Variants in GLYATL3 observed in about 807,000 individuals in gnomAD.
GLYATL3 encodes the protein glycine N-acyltransferase-like protein 3.
In GLYATL3, 31 loss-of-function variants were observed where a neutral mutation model predicts 28.5. That is an observed-to-expected ratio of 1.09 (90% CI 0.82 to 1.47). The LOEUF (loss-of-function observed/expected upper bound fraction) is 1.47, where lower values mean the gene tolerates loss of function less well. Among genes scored for constraint, GLYATL3 ranks in the 40% most tolerant of loss-of-function variants. The pLI is 0.00. For synonymous variants in GLYATL3, 141 were observed against 140.2 expected, an observed-to-expected ratio of 1.01 and a Z score of -0.04; for missense variants, 369 against 351.5, an observed-to-expected ratio of 1.05 and a Z score of -0.40.
intron 1 of GLYATL3, among the ~76,000 whole-genome samples, chr6:49,510,209 A>G (rs1769096603): frequency 6.6e-6 from 1 of 151,470 alleles, no homozygotes. Flanking sequence ...CACCTGGCTA[A>G]TTTTGTATTT....
At chr6:49,515,067 T>C (rs1457400920) in intron 2 of GLYATL3, among the ~76,000 whole-genome samples, 6 of 152,222 alleles carry the variant, frequency 3.9e-5, no homozygotes, top group Non-Finnish European at 5.9e-5. Flanking sequence ...GACATCATTA[T>C]AGCCCTCAGG....
At chr6:49,524,000 C>CT (rs67853821) in intron 5 of GLYATL3, among the ~76,000 whole-genome samples, 3,327 of 145,322 alleles carry the variant, frequency 0.023, 47 homozygotes, top group African/African-American at 0.04. Context: ...GACATTTTGT[C>CT]TTTTTTTTTT....
intron 1 of GLYATL3, among the ~76,000 whole-genome samples, chr6:49,509,965 T>C (rs867002700): frequency 1.5e-5 from 2 of 130,958 alleles, no homozygotes; most frequent in Non-Finnish European, 3.4e-5. Flanking sequence ...TTTCTTTCTT[T>C]CTTTCTTTCT....
chr6:49,511,037 C>T (rs551547102), intron 1 of GLYATL3, among the ~76,000 whole-genome samples: 1 of 152,274 alleles, frequency 6.6e-6, no homozygotes, highest in Admixed American at 6.5e-5. Context: ...AAGGAATAAT[C>T]CCAGCTCTCC....
chr6:49,525,226 G>T (rs1769386469), intron 5 of GLYATL3, among the ~76,000 whole-genome samples: 1 of 150,826 alleles, frequency 6.6e-6, no homozygotes, highest in Admixed American at 6.6e-5. Flanking sequence ...TGTTGTTGTT[G>T]TTTACAGAAA....
intron 1 of GLYATL3, among the ~76,000 whole-genome samples, chr6:49,509,948 C>CTTTCTTTCTTTCTTTCTT (rs68151540): frequency 1.0e-5 from 1 of 100,166 alleles, no homozygotes; most frequent in African/African-American, 3.5e-5. Context: ...TATTTTCTTT[C>CTTTCTTTCTTTCTTTCTT]TCTTTCTTTC....
At chr6:49,509,755 G>A (rs758635954) in intron 1 of GLYATL3, among the ~76,000 whole-genome samples, 16 of 152,134 alleles carry the variant, frequency 1.1e-4, no homozygotes, top group Non-Finnish European at 2.1e-4. Context: ...ATTTTAGCAA[G>A]CAGGTAAATT....
Position 49,527,165 on chromosome 6 carries a change from T to TG in GLYATL3, c.*252dup. ...ACGATTGTCCTCCTGTAGGATCCAC[T>TG]GTAGGAGAATAGGTTCTAAAGCCAG... On this transcript the variant is annotated 3_prime_UTR_variant, in exon 6 of 6. Coordinates refer to ENST00000371197, the MANE Select transcript of GLYATL3 (RefSeq NM_001010904.2). 2.3e-6 allele frequency: 1 copy of TG among 438,424 alleles called. No individual in the cohort carries two copies. Among genetic ancestry groups the TG allele is most frequent in the Non-Finnish European group, 4.0e-6 (1 of 247,108 alleles). The allele number at this position is 438,424 out of a possible 1,614,324, so 27.2% of individuals were successfully genotyped here. A position where few individuals can be genotyped will look rare whatever the true frequency, so the allele number is the denominator to read the frequency against.
chr6:49,503,905 G>A (rs1045577291), intron 1 of GLYATL3, among the ~76,000 whole-genome samples: 1 of 152,172 alleles, frequency 6.6e-6, no homozygotes, highest in Non-Finnish European at 1.5e-5. Context: ...AACCTAAAGT[G>A]ATATTGAAAG....
Position 49,517,205 on chromosome 6 carries a change from T to C in GLYATL3, c.187-225T>C, listed in dbSNP as rs116225002. Among the ~76,000 whole-genome samples, 1,308 of 150,792 alleles carry C rather than the reference T, an allele frequency of 8.7e-3. 7 individuals carry two copies. The highest frequency in any genetic ancestry group is 0.014 in the Non-Finnish European group (954 of 67,644). ...AGAAAGACAAAGAAAAACTCTTTCC[T>C]AATCCCAGAAGAAAGAATCAAGCAA... On this transcript the variant is annotated intron_variant, in intron 3 of 5. Transcript: ENST00000371197.
chr6:49,508,346 T>C (rs1769054286), intron 1 of GLYATL3, among the ~76,000 whole-genome samples: 2 of 152,120 alleles, frequency 1.3e-5, no homozygotes, highest in Admixed American at 1.3e-4. Flanking sequence ...AAACACAGTC[T>C]TTCCATAACC....
intron 4 of GLYATL3, among the ~76,000 whole-genome samples, chr6:49,518,687 T>G (rs992355080): frequency 6.6e-6 from 1 of 152,188 alleles, no homozygotes; most frequent in African/African-American, 2.4e-5. Context: ...ACACCTGTAA[T>G]CCCAGCACTT....
At chr6:49,525,463 C>T (rs1429563535) in intron 5 of GLYATL3, among the ~76,000 whole-genome samples, 1 of 146,890 alleles carries the variant, frequency 6.8e-6, no homozygotes, top group Non-Finnish European at 1.5e-5. Context: ...GCACGTGAGG[C>T]TGAGATACGA....
At chr6:49,523,374 G>A (rs543078892) in intron 5 of GLYATL3, among the ~76,000 whole-genome samples, 13 of 152,178 alleles carry the variant, frequency 8.5e-5, no homozygotes, top group African/African-American at 2.4e-4. Context: ...TGTCTACCAC[G>A]GAAACTTATT....
chr6:49,520,638 A>G (rs1769297352), intron 4 of GLYATL3, among the ~76,000 whole-genome samples: 1 of 152,186 alleles, frequency 6.6e-6, no homozygotes, highest in Non-Finnish European at 1.5e-5. Flanking sequence ...ATTCAATCCA[A>G]CAGGACACAG....
At chr6:49,502,051 C>CAATTTT (rs1768923198) in intron 1 of GLYATL3, among the ~76,000 whole-genome samples, 1 of 152,186 alleles carries the variant, frequency 6.6e-6, no homozygotes, top group South Asian at 2.1e-4. Context: ...ATCCTGCATG[C>CAATTTT]AATTTTGTAT....
intron 1 of GLYATL3, among the ~76,000 whole-genome samples, chr6:49,510,106 C>T (rs1303998510): frequency 6.6e-6 from 1 of 151,498 alleles, no homozygotes; most frequent in Non-Finnish European, 1.5e-5. Flanking sequence ...ATGATCTTGG[C>T]TCACCACAAC....
In GLYATL3 at chr6:49,512,087, T is replaced by G; in HGVS notation, c.78+19T>G. 1 of 1,024,286 alleles carries G rather than the reference T, an allele frequency of 9.8e-7. No homozygotes were observed. The highest frequency in any genetic ancestry group is 2.6e-5 in the East Asian group (1 of 38,288). The allele number at this position is 1,024,286 out of a possible 1,614,324, so 63.4% of individuals were successfully genotyped here. A position where few individuals can be genotyped will look rare whatever the true frequency, so the allele number is the denominator to read the frequency against. On this transcript the variant is annotated intron_variant, in intron 2 of 5. Coordinates refer to ENST00000371197, the MANE Select transcript of GLYATL3 (RefSeq NM_001010904.2). Reference sequence around the variant, plus strand: ...ACTCAAGGTACCATAAAATTAATAATTTTATTTTATTTCTTTATTGTGTTA... The same window carrying G: ...ACTCAAGGTACCATAAAATTAATAAGTTTATTTTATTTCTTTATTGTGTTA...
At chr6:49,504,724 T>C (rs1768979938) in intron 1 of GLYATL3, among the ~76,000 whole-genome samples, 1 of 152,162 alleles carries the variant, frequency 6.6e-6, no homozygotes, top group South Asian at 2.1e-4. Flanking sequence ...AATATGCCAC[T>C]GATGAAAAAA....
Sources: allele counts gnomAD v4.1 joint callset (sites outside exome capture counted in the v4.1 genomes callset), GRCh38; gene constraint gnomAD v4.1.1; transcripts MANE v1.5; gene names NCBI Gene and HGNC (gene_info 2026-07-23, HGNC 2026-07-21).